Variants in ZNF184 observed in about 807,000 individuals in gnomAD.
The protein encoded by ZNF184 is zinc finger protein 184 (Kruppel-like).
ZNF184 carries 16 observed loss-of-function variants against 54.4 expected under a neutral mutation model. The ratio of observed to expected loss-of-function variants is 0.29; its 90% confidence interval spans 0.20 to 0.45. The LOEUF is 0.45. Among genes scored for constraint, ZNF184 ranks in the 20% least tolerant of loss-of-function variants. The pLI is 1.00. For missense variants in ZNF184, 681 were observed against 888.2 expected, an observed-to-expected ratio of 0.77 and a Z score of 2.97; for synonymous variants, 254 against 295.3, an observed-to-expected ratio of 0.86 and a Z score of 1.43.
the ZNF184 span, among the ~76,000 whole-genome samples, chr6:27,425,243 T>C: frequency 2.0e-5 from 3 of 152,324 alleles, no homozygotes; most frequent in Admixed American, 6.5e-5. Context: ...GGGAGCCGGC[T>C]CTGGCCTTTG....
intron 3 of ZNF184, among the ~76,000 whole-genome samples, chr6:27,460,190 T>G (rs1196679217): frequency 1.3e-5 from 2 of 152,064 alleles, no homozygotes; most frequent in Non-Finnish European, 2.9e-5. Context: ...TATATGTAAA[T>G]GAACAGAAAA....
intron 2 of ZNF184, 83 bp from the exon 3 acceptor site, chr6:27,468,003 T>C (rs1763185520): frequency 1.7e-6 from 2 of 1,160,478 alleles, no homozygotes; most frequent in Non-Finnish European, 1.2e-6. Flanking sequence ...ACTCTTCTAT[T>C]TGAAAATAAC....
Position 27,467,852 on chromosome 6 carries a change from C to A in ZNF184, c.75+1G>T, listed in dbSNP as rs768691280. On this transcript the variant is annotated splice_donor_variant, in intron 3 of 5. Coordinates refer to ENST00000683788, the MANE Select transcript of ZNF184 (RefSeq NM_001318891.2). LOFTEE classifies it high-confidence loss of function. ...TGGCATTTCAAGAAACCACATCTTA[C>A]CTGAAAACTGGCTGATGAGAGTAGA... 4.3e-6 allele frequency: 7 copies of A among 1,610,674 alleles called. No homozygotes were observed. Among genetic ancestry groups the A allele is most frequent in the Non-Finnish European group, 5.9e-6 (7 of 1,178,554 alleles).
chr6:27,407,301 C>T, the ZNF184 span, among the ~76,000 whole-genome samples: 1 of 152,222 alleles, frequency 6.6e-6, no homozygotes, highest in African/African-American at 2.4e-5. Flanking sequence ...AGGTCTCTCA[C>T]ACTGTCCACC....
chr6:27,453,284 T>C lies in ZNF184; in HGVS notation c.299-24A>G. 1.3e-6 allele frequency: 2 copies of C among 1,553,156 alleles called. No individual in the cohort carries two copies. The highest frequency in any genetic ancestry group is 8.6e-7 in the Non-Finnish European group (1 of 1,156,756). ...GTCTAAAAGAAAAAGAAAATTCCAG[T>C]GTTCTCTGAATAGAGAAAAAATAAA... is the stretch of plus-strand genomic sequence containing the variant. On this transcript the variant is annotated intron_variant, in intron 5 of 5. Transcript: ENST00000683788. This position sits in a 1 kb window ranked among gnomAD's most constrained non-coding sequence, Gnocchi z 4.7.
chr6:27,428,458 G>A, the ZNF184 span, among the ~76,000 whole-genome samples: 1 of 152,142 alleles, frequency 6.6e-6, no homozygotes, highest in Non-Finnish European at 1.5e-5. The surrounding 1 kb of genome is among the most constrained non-coding windows in gnomAD (Gnocchi z 4.1). Flanking sequence ...GATGGACCAA[G>A]GACATAGCAT....
At chr6:27,471,748 C>T (rs546478415) in intron 2 of ZNF184, among the ~76,000 whole-genome samples, 2 of 152,300 alleles carry the variant, frequency 1.3e-5, no homozygotes, top group South Asian at 2.1e-4. Flanking sequence ...AAAGAAAGAA[C>T]AGACAGTTTC....
chr6:27,422,148 A>AAAAAAAAAAG, the ZNF184 span, among the ~76,000 whole-genome samples: 1 of 43,472 alleles, frequency 2.3e-5, no homozygotes, highest in African/African-American at 8.4e-5. Flanking sequence ...CTCAAAAAAA[A>AAAAAAAAAAG]AAAGAAAGAA....
the ZNF184 span, among the ~76,000 whole-genome samples, chr6:27,437,276 G>A: frequency 6.6e-6 from 1 of 152,198 alleles, no homozygotes; most frequent in African/African-American, 2.4e-5. Flanking sequence ...AAAGCAGAGA[G>A]CTTTCTCCAG....
the ZNF184 span, among the ~76,000 whole-genome samples, chr6:27,445,608 A>G: frequency 1.3e-5 from 2 of 151,846 alleles, no homozygotes; most frequent in Non-Finnish European, 2.9e-5. Context: ...TGCAATATGA[A>G]GGCCCTCACC....
the ZNF184 span, among the ~76,000 whole-genome samples, chr6:27,440,897 C>T: frequency 5.8e-4 from 88 of 151,748 alleles, no homozygotes; most frequent in Non-Finnish European, 9.4e-4. Flanking sequence ...CCCAGCTACT[C>T]GGGTGGCTGA....
At chr6:27,433,891 CCTTCCTTT>C in the ZNF184 span, among the ~76,000 whole-genome samples, 20 of 144,350 alleles carry the variant, frequency 1.4e-4, no homozygotes, top group African/African-American at 5.0e-4. Flanking sequence ...CCCCTTCCTT[CCTTCCTTT>C]CTTTCTCTTT....
chr6:27,465,016 CAAAAAA>C (rs61602778), intron 3 of ZNF184, among the ~76,000 whole-genome samples: 2 of 48,918 alleles, frequency 4.1e-5, no homozygotes, highest in African/African-American at 2.3e-4. Flanking sequence ...GACTCTGTCT[CAAAAAA>C]AAAAAAAAAA....
the ZNF184 span, among the ~76,000 whole-genome samples, chr6:27,440,695 C>T: frequency 2.0e-5 from 3 of 152,112 alleles, no homozygotes; most frequent in Non-Finnish European, 4.4e-5. Context: ...GAGGATAGAA[C>T]ACTGGGTGTA....
the ZNF184 span, among the ~76,000 whole-genome samples, chr6:27,421,733 C>T: frequency 6.6e-6 from 1 of 152,160 alleles, no homozygotes; most frequent in Non-Finnish European, 1.5e-5. Flanking sequence ...ATTGCGTGGT[C>T]CCCTTGAACC....
chr6:27,465,034 A>AAAAAAAAAAAAAAAAAAAG (rs1763092894), intron 3 of ZNF184, among the ~76,000 whole-genome samples: 1 of 149,036 alleles, frequency 6.7e-6, no homozygotes, highest in African/African-American at 2.5e-5. Context: ...AAAAAAAAAA[A>AAAAAAAAAAAAAAAAAAAG]AAATAGAGCT....
intron 5 of ZNF184, among the ~76,000 whole-genome samples, chr6:27,455,057 A>C (rs1762822007): frequency 6.6e-6 from 1 of 152,226 alleles, no homozygotes; most frequent in African/African-American, 2.4e-5. Flanking sequence ...GGCCAAACTC[A>C]ACATAGGTAC....
the ZNF184 span, among the ~76,000 whole-genome samples, chr6:27,425,193 C>T: frequency 6.6e-6 from 1 of 152,224 alleles, no homozygotes; most frequent in Non-Finnish European, 1.5e-5. Flanking sequence ...AACCCTGGTT[C>T]CCGCTCGCGC....
intron 3 of ZNF184, among the ~76,000 whole-genome samples, chr6:27,457,873 AC>A (rs1330312345): frequency 6.6e-6 from 1 of 152,230 alleles, no homozygotes; most frequent in African/African-American, 2.4e-5. Context: ...CTGGAATAAA[AC>A]AAAATGAAAT....
Sources: gnomAD v4.1 joint callset for allele counts (sites outside exome capture counted in the v4.1 genomes callset) on GRCh38, gnomAD v4.1.1 for gene constraint, Gnocchi (gnomAD v3.1) non-coding constraint, MANE v1.5 for transcripts, NCBI Gene and HGNC (gene_info 2026-07-23, HGNC 2026-07-21) for gene names.